The following CCDC33 variants were observed in gnomAD, a reference collection of about 807,000 sequenced individuals.
The protein encoded by CCDC33 is coiled-coil domain-containing protein 33.
CCDC33 carries 94 observed loss-of-function variants against 91.9 expected under a neutral mutation model. That is an observed-to-expected ratio of 1.02 (90% CI 0.87 to 1.21). CCDC33 has a LOEUF of 1.21. Ranked by LOEUF, CCDC33 falls within the 50% of genes most tolerant of loss-of-function variation. The pLI is 0.00. For synonymous variants in CCDC33, 396 were observed against 374.5 expected, an observed-to-expected ratio of 1.06 and a Z score of -0.66; for missense variants, 940 against 935.5, an observed-to-expected ratio of 1.00 and a Z score of -0.06.
chr15:74,335,233 T>C (rs2142905221), intron 18 of CCDC33, 145 bp downstream of exon 18: 1 of 772,708 alleles, frequency 1.3e-6, no homozygotes, highest in East Asian at 2.4e-5. Context: ...CTCCCATTCC[T>C]GCTCCATTAC....
intron 18 of CCDC33, 91 bp downstream of exon 18, chr15:74,335,179 C>T (rs1469541756): frequency 1.9e-6 from 2 of 1,029,772 alleles, no homozygotes; most frequent in African/African-American, 3.1e-5. Flanking sequence ...CTGAGAAAAG[C>T]CATTGTGGAG....
At chr15:74,257,632 TCCGAAGTCAGCA>T (rs1293815741) in intron 2 of CCDC33, among the ~76,000 whole-genome samples, 4 of 152,074 alleles carry the variant, frequency 2.6e-5, no homozygotes, top group Admixed American at 1.3e-4. Flanking sequence ...CAACCCATGC[TCCGAAGTCAGCA>T]CCTGCATCAG....
Position 74,330,983 on chromosome 15 carries a change from G to C in CCDC33, c.1548G>C (p.Lys516Asn). 1 of 1,583,312 alleles carries C rather than the reference G, an allele frequency of 6.3e-7. No individual in the cohort carries two copies. The highest frequency in any genetic ancestry group is 8.6e-7 in the Non-Finnish European group (1 of 1,164,426). Residue 516 changes from lysine (K) to asparagine (N), a missense_variant and splice_region_variant, in exon 14 of 19, where the codon AAG (lysine) becomes AAC (asparagine). Physicochemically the swap from Lys to Asn is moderately conservative, Grantham distance 94 (BLOSUM62 0). Transcript: ENST00000398814. ...TTCTCTCCTCCCCCATCTCACAGAA[G>C]AATGATCGAGAGAAGGAGCTGCTCC... ...VQHLQNELIR[K>N]NDREKELLLL...
intron 5 of CCDC33, among the ~76,000 whole-genome samples, 180 bp downstream of exon 5, chr15:74,268,638 C>T (rs944365076): frequency 6.6e-6 from 1 of 152,260 alleles, no homozygotes; most frequent in African/African-American, 2.4e-5. Context: ...TGAAGACAAG[C>T]CCTTTGGCAG....
chr15:74,268,810 A>G lies in CCDC33; in HGVS notation c.546+352A>G, dbSNP rs372919298. On this transcript the variant is annotated intron_variant, in intron 5 of 18. Coordinates refer to ENST00000398814, the MANE Select transcript of CCDC33 (RefSeq NM_025055.5). ...GAATCTTATGCTAGGGGCAGGGGAG[A>G]AGCCCCGTGCTCCCCCTGAGCCCAC... Among the ~76,000 whole-genome samples the G allele has an allele frequency of 5.5e-3, 839 of 152,204 alleles. 9 individuals are homozygous for G. In the Middle Eastern group the frequency reaches 0.058, roughly 10 times the overall value.
At chr15:74,283,270 T>A (rs1277056346) in intron 10 of CCDC33, among the ~76,000 whole-genome samples, 1 of 152,198 alleles carries the variant, frequency 6.6e-6, no homozygotes, top group Non-Finnish European at 1.5e-5. Flanking sequence ...CCGGGGCCTC[T>A]TCCCAAGGTA....
At chr15:74,281,458 C>T (rs952286489) in intron 9 of CCDC33, among the ~76,000 whole-genome samples, 20 of 152,350 alleles carry the variant, frequency 1.3e-4, no homozygotes, top group South Asian at 2.1e-4. Context: ...TGAATAATAT[C>T]GTTACCATCA....
rs1425775056 is a variant in CCDC33, at chr15:74,218,427, GTCC to G, written c.311-65_311-63del. 44 of 1,222,244 alleles carry G rather than the reference GTCC, an allele frequency of 3.6e-5. No individual in the cohort carries two copies. Among genetic ancestry groups the G allele is most frequent in the Non-Finnish European group, 4.5e-5 (43 of 952,648 alleles). The allele number at this position is 1,222,244 out of a possible 1,614,324, so 75.7% of individuals were successfully genotyped here. A position where few individuals can be genotyped will look rare whatever the true frequency, so the allele number is the denominator to read the frequency against. ...CCCAGGTTTCCCCAGGGCCCTGCCT[GTCC>G]TCCTAGTCACCTGGCAGATGCAGAG... On this transcript the variant is annotated intron_variant, in intron 1 of 2. Transcript: ENST00000635913. This position sits in a 1 kb window ranked among gnomAD's most constrained non-coding sequence, Gnocchi z 4.8.
chr15:74,264,716 G>T (rs937375547), intron 3 of CCDC33, among the ~76,000 whole-genome samples: 1 of 152,188 alleles, frequency 6.6e-6, no homozygotes, highest in African/African-American at 2.4e-5. Flanking sequence ...GATGCTTAAA[G>T]AGAAGGAAAA....
chr15:74,242,326 A>C (rs1156788891), intron 1 of CCDC33, among the ~76,000 whole-genome samples: 1 of 152,210 alleles, frequency 6.6e-6, no homozygotes, highest in Non-Finnish European at 1.5e-5. Flanking sequence ...GGAGCCGGCC[A>C]TTCTGAGCCA....
In CCDC33 at chr15:74,251,219, G is replaced by A. The variant is rs535032408; in HGVS notation, c.185+7071G>A. ...AACAAGAACCCCAGCTCTGCCACCC[G>A]AGACAGATTCTGTGCCCAGGTCTAC... On this transcript the variant is annotated intron_variant, in intron 2 of 18. Transcript: ENST00000398814. Among the ~76,000 whole-genome samples, 31 of 152,346 alleles carry A rather than the reference G, an allele frequency of 2.0e-4. No individual in the cohort carries two copies. In the East Asian group the frequency reaches 3.9e-3, roughly 19 times the overall value.
chr15:74,268,209 G>A (rs778138615), intron 4 of CCDC33, 133 bp from the exon 5 acceptor site: 6 of 692,346 alleles, frequency 8.7e-6, no homozygotes, highest in Non-Finnish European at 1.6e-5. Context: ...GGGACCATGA[G>A]CTTTAATTAT....
chr15:74,294,577 C>G (rs985032374), intron 10 of CCDC33, among the ~76,000 whole-genome samples: 1 of 152,002 alleles, frequency 6.6e-6, no homozygotes, highest in Non-Finnish European at 1.5e-5. Flanking sequence ...GAAACCCCAT[C>G]TCTACTAAAA....
upstream of CCDC33, chr15:74,212,668 A>G (rs1038985094): frequency 6.6e-6 from 1 of 152,210 alleles, no homozygotes; most frequent in Non-Finnish European, 1.5e-5. Context: ...CTGAGTGACC[A>G]CAAATGCAGC....
chr15:74,297,420 G>A lies in CCDC33; in HGVS notation c.1290+1472G>A, dbSNP rs140538200. Among the ~76,000 whole-genome samples the A allele has an allele frequency of 3.0e-3, 457 of 152,324 alleles. 2 individuals carry two copies. Among genetic ancestry groups the A allele is most frequent in the Middle Eastern group, 0.014 (4 of 294 alleles). On this transcript the variant is annotated intron_variant, in intron 11 of 18. Coordinates refer to ENST00000398814, the MANE Select transcript of CCDC33 (RefSeq NM_025055.5). ...GTAGTAAAGGAAAGAGAGGCCAGGT[G>A]CATGGCCTGCATCTGTAATCTCACT...
chr15:74,308,378 C>CACACACACACACAG (rs2059931091), intron 11 of CCDC33, among the ~76,000 whole-genome samples: 1 of 151,936 alleles, frequency 6.6e-6, no homozygotes, highest in Non-Finnish European at 1.5e-5. Context: ...CACACACACA[C>CACACACACACACAG]ACACACACAT....
chr15:74,223,871 G>T (rs1455972081), intron 2 of CCDC33, among the ~76,000 whole-genome samples: 1 of 146,046 alleles, frequency 6.8e-6, no homozygotes, highest in Non-Finnish European at 1.5e-5. Context: ...ATTTGGAAGA[G>T]CCTTTTCCTT....
intron 2 of CCDC33, among the ~76,000 whole-genome samples, chr15:74,246,266 A>G (rs1312968122): frequency 1.3e-5 from 2 of 152,228 alleles, no homozygotes; most frequent in African/African-American, 2.4e-5. Context: ...GGTCTTGGCA[A>G]TTAATCTTCG....
intron 11 of CCDC33, among the ~76,000 whole-genome samples, chr15:74,317,295 A>G (rs2060105507): frequency 6.6e-6 from 1 of 152,212 alleles, no homozygotes; most frequent in South Asian, 2.1e-4. Context: ...CGGGAGGCGG[A>G]GCTTGCAGTG....
Sources: allele counts gnomAD v4.1 joint callset (sites outside exome capture counted in the v4.1 genomes callset), GRCh38; gene constraint gnomAD v4.1.1; non-coding constraint Gnocchi (gnomAD v3.1); transcripts MANE v1.5; gene names NCBI Gene and HGNC (gene_info 2026-07-23, HGNC 2026-07-21).